ITGBL1: variants seen among roughly 807,000 people sequenced by gnomAD.
The protein encoded by ITGBL1 is integrin subunit beta like 1, also known as integrin beta-like protein 1.
A neutral mutation model predicts 68.5 loss-of-function variants in ITGBL1; 51 were observed. The observed-to-expected ratio is 0.74, with a 90% confidence interval of 0.59 to 0.94. The LOEUF (loss-of-function observed/expected upper bound fraction) is 0.94, where lower values mean the gene tolerates loss of function less well. Among genes scored for constraint, ITGBL1 ranks in the 40% least tolerant of loss-of-function variants. ITGBL1 has a pLI of 0.00. For missense variants in ITGBL1, 649 were observed against 647.4 expected (o/e 1.00, Z -0.03); for synonymous variants, 209 against 227.3 (o/e 0.92, Z 0.72).
intron 7 of ITGBL1, among the ~76,000 whole-genome samples, chr13:101,638,434 TAAAAAA>T (rs56780940): frequency 6.0e-5 from 9 of 148,826 alleles, no homozygotes; most frequent in African/African-American, 1.7e-4. Context: ...TCTTAAAAAA[TAAAAAA>T]AAAAAAACTA....
intron 2 of ITGBL1, among the ~76,000 whole-genome samples, chr13:101,513,003 C>T (rs2049140153): frequency 6.6e-6 from 1 of 152,040 alleles, no homozygotes; most frequent in Non-Finnish European, 1.5e-5. Context: ...TGCATTCTTT[C>T]ATTTGGCAAG....
chr13:101,706,715 T>G, intron 8 of ITGBL1, 41 bp from the exon 9 acceptor site: 1 of 1,590,728 alleles, frequency 6.3e-7, no homozygotes. Context: ...CAGCTGGTTA[T>G]TTCCTCATCC....
intron 8 of ITGBL1, among the ~76,000 whole-genome samples, chr13:101,706,535 C>G (rs958522800): frequency 4.6e-5 from 7 of 152,184 alleles, no homozygotes; most frequent in African/African-American, 1.7e-4. Flanking sequence ...AGATTTCTTT[C>G]TCTCAAGTCA....
intron 3 of ITGBL1, 70 bp from the exon 4 acceptor site, chr13:101,575,354 G>A (rs2050339284): frequency 1.5e-6 from 2 of 1,372,862 alleles, no homozygotes; most frequent in African/African-American, 1.4e-5. Flanking sequence ...TGAGAGAGAT[G>A]GTATAAAAAT....
chr13:101,629,696 G>C (rs2031909121), intron 7 of ITGBL1, among the ~76,000 whole-genome samples: 1 of 151,884 alleles, frequency 6.6e-6, no homozygotes, highest in African/African-American at 2.4e-5. Flanking sequence ...CATTAATTTT[G>C]ATATTTCCAT....
At chr13:101,577,104 T>C (rs910503199) in intron 4 of ITGBL1, among the ~76,000 whole-genome samples, 12 of 152,194 alleles carry the variant, frequency 7.9e-5, no homozygotes, top group Admixed American at 7.2e-4. Flanking sequence ...ACTTTCTAGT[T>C]GTTATTTCCA....
At chr13:101,637,166 A>G (rs1041895826) in intron 7 of ITGBL1, among the ~76,000 whole-genome samples, 8 of 152,112 alleles carry the variant, frequency 5.3e-5, no homozygotes, top group Non-Finnish European at 1.0e-4. Context: ...GGCACTTTCA[A>G]TGACTTGGAG....
In ITGBL1 at chr13:101,453,041, G is replaced by A. The variant is rs145692651; in HGVS notation, c.98+110G>A. On this transcript the variant is annotated intron_variant, in intron 1 of 10. Transcript: ENST00000376180. ...AAGAGCTGTTATTAAATTGGACAAG[G>A]GATAAACTGTTTTCAACCTGTTCCT... 8.4e-4 allele frequency: 699 copies of A among 832,908 alleles called. 8 individuals are homozygous for A. The East Asian group carries it at 0.014, about 16-fold the overall frequency. The allele number at this position is 832,908 out of a possible 1,614,324, so 51.6% of individuals were successfully genotyped here.
intron 2 of ITGBL1, among the ~76,000 whole-genome samples, chr13:101,547,599 T>G (rs2049848359): frequency 6.6e-6 from 1 of 151,734 alleles, no homozygotes; most frequent in African/African-American, 2.4e-5. Context: ...GGTTAATGGG[T>G]ACAAAAATAT....
intron 2 of ITGBL1, among the ~76,000 whole-genome samples, chr13:101,523,946 C>T (rs866419319): frequency 8.2e-4 from 124 of 152,036 alleles, no homozygotes; most frequent in African/African-American, 2.8e-3. Context: ...CCTCAGACCA[C>T]GTCTGTTTTT....
At position 101,465,107 on chromosome 13, in the gene ITGBL1, C is replaced by T. The variant is rs116296430; in HGVS notation, c.316+11007C>T. 6.2e-4 allele frequency among the ~76,000 whole-genome samples: 95 copies of T among 152,160 alleles called. 1 individual carries two copies. The highest frequency in any genetic ancestry group is 1.9e-3 in the African/African-American group (79 of 41,506). ...GCTTTTAGGCTATTCAAGTCACATT[C>T]GAATTACAGTTAATAGTTGGTAAAT... On this transcript the variant is annotated intron_variant, in intron 2 of 10. Transcript: ENST00000376180.
intron 2 of ITGBL1, among the ~76,000 whole-genome samples, chr13:101,560,793 A>G (rs2050086898): frequency 6.6e-6 from 1 of 152,196 alleles, no homozygotes; most frequent in Admixed American, 6.5e-5. Flanking sequence ...ATAATTGTTT[A>G]TTTCCAATAT....
intron 7 of ITGBL1, among the ~76,000 whole-genome samples, chr13:101,679,022 T>G (rs1317874844): frequency 2.6e-5 from 4 of 152,072 alleles, no homozygotes; most frequent in Non-Finnish European, 5.9e-5. Context: ...TTCTCCTGCC[T>G]CAGCCTCCCA....
chr13:101,504,562 A>G (rs974760614), intron 2 of ITGBL1, among the ~76,000 whole-genome samples: 2 of 152,180 alleles, frequency 1.3e-5, no homozygotes, highest in Non-Finnish European at 2.9e-5. Flanking sequence ...ATCCACAACT[A>G]ATATTTACAA....
At chr13:101,639,951 A>G (rs1241620025) in intron 7 of ITGBL1, among the ~76,000 whole-genome samples, 1 of 152,112 alleles carries the variant, frequency 6.6e-6, no homozygotes, top group Non-Finnish European at 1.5e-5. Flanking sequence ...GTTAAATACT[A>G]TTTTTATCCA....
intron 7 of ITGBL1, among the ~76,000 whole-genome samples, chr13:101,621,449 A>G (rs1437052003): frequency 6.6e-6 from 1 of 152,142 alleles, no homozygotes; most frequent in African/African-American, 2.4e-5. Flanking sequence ...TTCACAGTCC[A>G]TGAAAAGCTC....
intron 8 of ITGBL1, among the ~76,000 whole-genome samples, chr13:101,698,598 T>C (rs926502105): frequency 6.6e-6 from 1 of 152,224 alleles, no homozygotes; most frequent in Non-Finnish European, 1.5e-5. Context: ...GTGGATGTTC[T>C]CAAAACATCT....
At chr13:101,687,795 T>A (rs1441238625) in intron 7 of ITGBL1, among the ~76,000 whole-genome samples, 1 of 152,142 alleles carries the variant, frequency 6.6e-6, no homozygotes, top group Non-Finnish European at 1.5e-5. Flanking sequence ...GCTGAATTAA[T>A]TTCTTCTCAC....
chr13:101,533,189 A>G (rs1018407623), intron 2 of ITGBL1, among the ~76,000 whole-genome samples: 1 of 152,234 alleles, frequency 6.6e-6, no homozygotes, highest in African/African-American at 2.4e-5. Flanking sequence ...TTATTTCTGC[A>G]ATGAACCTGC....
Sources: allele counts gnomAD v4.1 joint callset (sites outside exome capture counted in the v4.1 genomes callset), GRCh38; gene constraint gnomAD v4.1.1; transcripts MANE v1.5; gene names NCBI Gene and HGNC (gene_info 2026-07-23, HGNC 2026-07-21).